The following ZNF28 variants were observed in gnomAD, a reference collection of about 807,000 sequenced individuals.
ZNF28 encodes the protein zinc finger protein 28, also known as zinc finger protein KOX24.
A neutral mutation model predicts 7.2 loss-of-function variants in ZNF28; 5 were observed. The observed-to-expected ratio is 0.70, with a 90% CI of 0.36 to 1.46. The LOEUF is 1.46. Among genes scored for constraint, ZNF28 ranks in the 40% most tolerant of loss-of-function variants. The pLI, the probability that ZNF28 is intolerant of heterozygous loss-of-function variation, is 0.03. For synonymous variants in ZNF28, 288 were observed against 292.4 expected (o/e 0.99, Z 0.15); for missense variants, 879 against 866.6 (o/e 1.01, Z -0.18).
At chr19:52,804,497 A>T (rs1339968087) in intron 3 of ZNF28, among the ~76,000 whole-genome samples, 1 of 151,994 alleles carries the variant, frequency 6.6e-6, no homozygotes, top group East Asian at 1.9e-4. Flanking sequence ...CAACCTCCCA[A>T]GTAGCTGGGA....
chr19:52,821,627 C>G lies in ZNF28; in HGVS notation c.-115G>C, dbSNP rs1284322700. On this transcript the variant is annotated 5_prime_UTR_variant, in exon 1 of 4. Transcript: ENST00000457749. ...ACCGTCATTCCACGGGATCCGCTTC[C>G]TGGTCTGCGCGAATCTGCGCGCGCA... 6.6e-6 allele frequency: 1 copy of G among 152,210 alleles called. No individual in the cohort carries two copies. Among genetic ancestry groups the G allele is most frequent in the African/African-American group, 2.4e-5 (1 of 41,448 alleles). The allele number at this position is 152,210 out of a possible 1,614,324, so 9.4% of individuals were successfully genotyped here.
intron 2 of ZNF28, among the ~76,000 whole-genome samples, chr19:52,811,264 TG>T (rs916697471): frequency 6.6e-6 from 1 of 151,626 alleles, no homozygotes; most frequent in Non-Finnish European, 1.5e-5. Flanking sequence ...CCCAGCCGCC[TG>T]CCTTGGCCTC....
intron 2 of ZNF28, chr19:52,814,265 GTGA>G (rs1277057102): frequency 6.9e-6 from 1 of 145,920 alleles, no homozygotes; most frequent in Non-Finnish European, 1.5e-5. Flanking sequence ...TACACATCGT[GTGA>G]TGTTTAAATA....
At chr19:52,811,741 GC>G (rs1893010394) in intron 2 of ZNF28, among the ~76,000 whole-genome samples, 1 of 147,396 alleles carries the variant, frequency 6.8e-6, no homozygotes, top group African/African-American at 2.6e-5. Context: ...CCCGGCAGCC[GC>G]CCCGTCCGGG....
intron 2 of ZNF28, among the ~76,000 whole-genome samples, chr19:52,813,372 A>C (rs368676795): frequency 1.3e-5 from 2 of 150,024 alleles, no homozygotes; most frequent in African/African-American, 4.9e-5. Context: ...GGGGCGGCTT[A>C]TTCACTCTGG....
chr19:52,819,616 C>G (rs1806903143), intron 1 of ZNF28, among the ~76,000 whole-genome samples: 1 of 117,106 alleles, frequency 8.5e-6, no homozygotes, highest in Non-Finnish European at 1.8e-5. Flanking sequence ...AACATTTTCA[C>G]GAAGTTACCC....
At position 52,798,505 on chromosome 19, in the gene ZNF28, A is replaced by G. The variant is rs2062823399; in HGVS notation, c.*1183T>C. 2.0e-6 allele frequency: 1 copy of G among 508,966 alleles called. No homozygotes were observed. The highest frequency in any genetic ancestry group is 4.0e-6 in the Non-Finnish European group (1 of 248,984). 31.5% of individuals were successfully genotyped at this position (508,966 alleles called of 1,614,324 possible). ...GATCTCGGACTGAAGACCTTACCAC[A>G]CTGATGACATTTGTAAGATTTCTGT... On this transcript the variant is annotated 3_prime_UTR_variant, in exon 4 of 4. Transcript: ENST00000457749.
At chr19:52,807,791 G>T in intron 3 of ZNF28, 1 of 843,340 alleles carries the variant, frequency 1.2e-6, no homozygotes, top group Non-Finnish European at 1.8e-6. Flanking sequence ...AAAGTTTTAT[G>T]CCTACTTTAC....
chr19:52,800,934 C>A lies in ZNF28; in HGVS notation c.911G>T (p.Cys304Phe). The change falls in exon 4 of 4, where the codon TGT (cysteine) becomes TTT (phenylalanine). Residue 304 changes from cysteine (C) to phenylalanine (F), a missense_variant. Transcript: ENST00000457749. ...TGATTTGCGACTGAAAACTTTGTCACATTCTTCACATTCATAAGGTTTGTC... is the reference window on the plus strand; with the variant it reads ...TGATTTGCGACTGAAAACTTTGTCAAATTCTTCACATTCATAAGGTTTGTC... ...TADKPYECEE[C>F]DKVFSRKSHL... 1 of 1,614,146 alleles carries A rather than the reference C, an allele frequency of 6.2e-7. No individual in the cohort carries two copies. Among genetic ancestry groups the A allele is most frequent in the South Asian group, 1.1e-5 (1 of 91,080 alleles).
At position 52,818,016 on chromosome 19, in the gene ZNF28, T is replaced by G; in HGVS notation, c.-58A>C. ...GGGTTTCTTCCTCACGTACCAAGAT[T>G]CTTTAGAAGTCAATCCTGAATGTTA... On this transcript the variant is annotated 5_prime_UTR_variant, in exon 2 of 4. Coordinates refer to ENST00000457749, the MANE Select transcript of ZNF28 (RefSeq NM_006969.5). The G allele has an allele frequency of 6.2e-7, 1 of 1,607,034 alleles. No homozygotes were observed. Among genetic ancestry groups the G allele is most frequent in the Non-Finnish European group, 8.5e-7 (1 of 1,177,250 alleles).
intron 1 of ZNF28, 44 bp downstream of exon 1, chr19:52,821,542 G>A (rs898490066): frequency 1.3e-5 from 2 of 152,188 alleles, no homozygotes; most frequent in African/African-American, 4.8e-5. Context: ...AAGTGCCGGG[G>A]ACCTGGGAAG....
At chr19:52,811,682 G>A (rs1247138790) in intron 2 of ZNF28, among the ~76,000 whole-genome samples, 5 of 148,002 alleles carry the variant, frequency 3.4e-5, no homozygotes, top group Non-Finnish European at 5.9e-5. Context: ...GAAGTGAGGA[G>A]CCCCTCCGTC....
At chr19:52,810,266 A>C in intron 2 of ZNF28, 1 of 1,371,202 alleles carries the variant, frequency 7.3e-7, no homozygotes, top group Non-Finnish European at 1.0e-6. Context: ...ATGCTGGCCC[A>C]GTGATCACGT....
intron 3 of ZNF28, chr19:52,805,643 A>ATAAAAATAAAT (rs1555805192): frequency 1.4e-5 from 2 of 140,302 alleles, no homozygotes; most frequent in Non-Finnish European, 3.1e-5. Flanking sequence ...AATAATAATA[A>ATAAAAATAAAT]AAATAAATAA....
intron 2 of ZNF28, 142 bp from the exon 3 acceptor site, chr19:52,808,275 GT>G: frequency 6.1e-6 from 9 of 1,470,246 alleles, no homozygotes; most frequent in Non-Finnish European, 6.4e-6. Context: ...ACCACATGAT[GT>G]TTTTATTATA....
chr19:52,800,300 T>A lies in ZNF28; in HGVS notation c.1545A>T (p.Arg515Ser), dbSNP rs1338591395. The change falls in exon 4 of 4, where the codon AGA (arginine) becomes AGT (serine). Residue 515 changes from arginine (R) to serine (S), a missense_variant. Arg to Ser is a moderately radical substitution (Grantham distance 110). Coordinates refer to ENST00000457749, the MANE Select transcript of ZNF28 (RefSeq NM_006969.5). The stretch of plus-strand genomic sequence containing the variant: ...TGTATGGTTTCTCTCCAGTATGAAC[T>A]CTCTGATGTTCTGTAAGGCATGAAT... ...RSDSCLTEHQ[R>S]VHTGEKPYMC... 2 of 1,607,184 alleles carry A rather than the reference T, an allele frequency of 1.2e-6. No homozygotes were observed. Among genetic ancestry groups the A allele is most frequent in the East Asian group, 4.5e-5 (2 of 44,402 alleles).
chr19:52,800,117 C>T lies in ZNF28; in HGVS notation c.1728G>A (p.Glu576=), dbSNP rs1296379740. ...CACAAACCTTACATTTGTACGGTTT[C>T]TCTCCAGTATGAATCCTCCTATGTC... ...MERHRRIHTG[E]KPYKCKVCDK... Residue 576 remains glutamate, a synonymous_variant, in exon 4 of 4, where the codon GAG becomes GAA. Coordinates refer to ENST00000457749, the MANE Select transcript of ZNF28 (RefSeq NM_006969.5). 1.9e-6 allele frequency: 3 copies of T among 1,613,956 alleles called. No homozygotes were observed. The African/African-American group carries it at 4.0e-5, about 22-fold the overall frequency.
Position 52,800,151 on chromosome 19 carries a change from T to G in ZNF28, c.1694A>C (p.His565Pro). 2 of 1,613,968 alleles carry G rather than the reference T, an allele frequency of 1.2e-6. No homozygotes were observed. Among genetic ancestry groups the G allele is most frequent in the Non-Finnish European group, 1.7e-6 (2 of 1,179,918 alleles). Reference sequence around the variant, plus strand: ...ATGAATCCTCCTATGTCTTTCCATGTGTGATTTGCGACTGAAAACTTTCTC... The same window carrying G: ...ATGAATCCTCCTATGTCTTTCCATGGGTGATTTGCGACTGAAAACTTTCTC... ...ECEKVFSRKS[H>P]MERHRRIHTG... Residue 565 changes from histidine to proline, a missense_variant, in exon 4 of 4, where the codon CAC becomes CCC. Physicochemically the swap from His to Pro is moderately conservative, Grantham distance 77 (BLOSUM62 -2). Transcript: ENST00000457749.
intron 2 of ZNF28, among the ~76,000 whole-genome samples, chr19:52,811,761 C>T (rs1276178898): frequency 8.0e-6 from 1 of 125,178 alleles, no homozygotes; most frequent in Non-Finnish European, 1.7e-5. Flanking sequence ...GGAGGGAGGT[C>T]GGGGGGGTCA....
Sources: gnomAD v4.1 joint callset for allele counts (sites outside exome capture counted in the v4.1 genomes callset) on GRCh38, gnomAD v4.1.1 for gene constraint, MANE v1.5 for transcripts, NCBI Gene and HGNC (gene_info 2026-07-23, HGNC 2026-07-21) for gene names.